The following PKD1L1 variants were observed in gnomAD, a reference collection of about 807,000 sequenced individuals.
PKD1L1 encodes the protein polycystin 1 like 1, transient receptor potential channel interacting, also known as polycystin-1-like protein 1.
Under a neutral mutation model 323.4 loss-of-function variants are expected in PKD1L1, and 236 were observed. That is an observed-to-expected ratio of 0.73 (90% CI 0.66 to 0.81). The LOEUF is 0.81. Among genes scored for constraint, PKD1L1 ranks in the 40% least tolerant of loss-of-function variants. PKD1L1 has a pLI of 0.00. For synonymous variants in PKD1L1, 1,344 were observed against 1,335.0 expected, an observed-to-expected ratio of 1.01 and a Z score of -0.15; for missense variants, 3,320 against 3,508.0, an observed-to-expected ratio of 0.95 and a Z score of 1.35.
chr7:47,950,937 C>T (rs1201499658), upstream of PKD1L1, among the ~76,000 whole-genome samples: 3 of 152,170 alleles, frequency 2.0e-5, no homozygotes, highest in East Asian at 5.8e-4. Flanking sequence ...CATTCTTGGG[C>T]CATACTCCTC....
At chr7:47,865,691 T>C (rs991186934) in intron 25 of PKD1L1, among the ~76,000 whole-genome samples, 20 of 151,834 alleles carry the variant, frequency 1.3e-4, no homozygotes, top group Admixed American at 1.2e-3. Context: ...GTTCATGCCA[T>C]TCTACTGCCT....
chr7:47,807,324 A>G (rs2128728084), intron 52 of PKD1L1, among the ~76,000 whole-genome samples: 1 of 152,170 alleles, frequency 6.6e-6, no homozygotes, highest in South Asian at 2.1e-4. Context: ...AGTGTAGAGG[A>G]AACGAGCCTC....
intron 26 of PKD1L1, 85 bp downstream of exon 26, chr7:47,865,131 T>C: frequency 3.2e-6 from 3 of 948,552 alleles, no homozygotes; most frequent in East Asian, 5.1e-5. Context: ...ACTATGATTC[T>C]GGACAGTGTA....
chr7:47,815,009 C>T (rs529288666), intron 47 of PKD1L1, among the ~76,000 whole-genome samples: 62 of 152,266 alleles, frequency 4.1e-4, no homozygotes, highest in Non-Finnish European at 7.4e-4. Flanking sequence ...GAACTAGAAT[C>T]TTCCATTTCC....
chr7:47,782,279 A>T (rs992964422), intron 56 of PKD1L1, among the ~76,000 whole-genome samples: 1 of 152,204 alleles, frequency 6.6e-6, no homozygotes, highest in East Asian at 1.9e-4. Context: ...CTAAACTTTA[A>T]TAATTACATT....
chr7:47,838,360 G>A (rs1381621434), intron 36 of PKD1L1, among the ~76,000 whole-genome samples: 1 of 152,174 alleles, frequency 6.6e-6, no homozygotes, highest in African/African-American at 2.4e-5. Flanking sequence ...TGAGTTCACT[G>A]GGCTTTTACC....
Position 47,864,655 on chromosome 7 carries a change from C to T in PKD1L1, c.4149+561G>A, listed in dbSNP as rs71552463. 1.4e-4 allele frequency among the ~76,000 whole-genome samples: 17 copies of T among 121,714 alleles called. No individual in the cohort carries two copies. In the East Asian group the frequency reaches 3.1e-3, roughly 22 times the overall value. 79.8% of individuals were successfully genotyped at this position (121,714 alleles called of 152,430 possible). ...TTCTTTCCTTCCTTCCTTCCTTCCT[C>T]CCTCTCTCCTTCCCTTCCCTTCCCC... On this transcript the variant is annotated intron_variant, in intron 26 of 56. Transcript: ENST00000289672.
At chr7:47,960,394 A>AAC in the PKD1L1 span, among the ~76,000 whole-genome samples, 1 of 112,280 alleles carries the variant, frequency 8.9e-6, no homozygotes, top group Non-Finnish European at 2.0e-5. Context: ...AAAAAAAAAA[A>AAC]CTGTAAAAAA....
intron 46 of PKD1L1, 44 bp from the exon 47 acceptor site, chr7:47,815,501 A>G (rs2128730762): frequency 3.8e-6 from 6 of 1,595,942 alleles, no homozygotes; most frequent in Non-Finnish European, 5.1e-6. Context: ...TGCATCAACA[A>G]GAACAATGAA....
At chr7:47,901,341 A>AG (rs1183838610) in intron 13 of PKD1L1, among the ~76,000 whole-genome samples, 3 of 151,266 alleles carry the variant, frequency 2.0e-5, no homozygotes, top group African/African-American at 7.3e-5. Context: ...AAAAAAAAAA[A>AG]AAAAAAAGAA....
Position 47,846,928 on chromosome 7 carries a change from C to T in PKD1L1, c.5104G>A (p.Glu1702Lys), listed in dbSNP as rs1471529190. 6.2e-7 allele frequency: 1 copy of T among 1,613,652 alleles called. No homozygotes were observed. The highest frequency in any genetic ancestry group is 8.5e-7 in the Non-Finnish European group (1 of 1,179,844). Residue 1702 changes from glutamate to lysine, a missense_variant, in exon 32 of 57, where the codon GAA becomes AAA. Coordinates refer to ENST00000289672, the MANE Select transcript of PKD1L1 (RefSeq NM_138295.5). ...LFWDKREWKS[E>K]RFSPQPGTSP... Reference sequence around the variant, plus strand: ...GTCCCTGGTTGTGGAGAGAAACGTTCAGATTTCCACTCTCTCTTGTCCCAA... The same window carrying T: ...GTCCCTGGTTGTGGAGAGAAACGTTTAGATTTCCACTCTCTCTTGTCCCAA...
chr7:47,847,045 A>G lies in PKD1L1; in HGVS notation c.4987T>C (p.Leu1663=), dbSNP rs200984696. 6.9e-6 allele frequency: 11 copies of G among 1,603,408 alleles called. No individual in the cohort carries two copies. The highest frequency in any genetic ancestry group is 4.5e-5 in the South Asian group (4 of 88,100). The change falls in exon 32 of 57, where the codon TTG becomes CTG. Residue 1663 remains leucine, a synonymous_variant. Coordinates refer to ENST00000289672, the MANE Select transcript of PKD1L1 (RefSeq NM_138295.5). ...KDASVGYLSL[L]DADYDRKPPN... is the part of the protein sequence containing the mutation. Reference sequence around the variant, plus strand: ...GGTTTTCTGTCATAGTCAGCATCCAATAAGGATAAATAGCCTACACTGGCA... The same window carrying G: ...GGTTTTCTGTCATAGTCAGCATCCAGTAAGGATAAATAGCCTACACTGGCA...
At chr7:47,957,082 A>T in the PKD1L1 span, 2 of 154,486 alleles carry the variant, frequency 1.3e-5, no homozygotes, top group African/African-American at 2.4e-5. Flanking sequence ...GCTTTTGTGC[A>T]TATATCTTCT....
At position 47,940,281 on chromosome 7, in the gene PKD1L1, C is replaced by A; in HGVS notation, c.197G>T (p.Gly66Val). The change falls in exon 3 of 57, where the codon GGG becomes GTG. Residue 66 changes from glycine to valine, a missense_variant. Coordinates refer to ENST00000289672, the MANE Select transcript of PKD1L1 (RefSeq NM_138295.5). ...YANHVLLMSD[G>V]KCGCPWCALN... is the part of the protein sequence containing the mutation. ...AGCACACCAAGGACAGCCACACTTC[C>A]CATCACTCATAAGAAGCACATGATT... is the stretch of plus-strand genomic sequence containing the variant. 1 of 1,614,062 alleles carries A rather than the reference C, an allele frequency of 6.2e-7. No individual in the cohort carries two copies. The highest frequency in any genetic ancestry group is 8.5e-7 in the Non-Finnish European group (1 of 1,179,960).
At chr7:47,861,900 A>AAC (rs1786037562) in intron 26 of PKD1L1, among the ~76,000 whole-genome samples, 1 of 147,698 alleles carries the variant, frequency 6.8e-6, no homozygotes, top group East Asian at 2.0e-4. Context: ...AAAAAAAAAA[A>AAC]AAAAAACAAT....
chr7:47,846,506 G>T (rs1415325590), intron 32 of PKD1L1, among the ~76,000 whole-genome samples: 1 of 152,216 alleles, frequency 6.6e-6, no homozygotes. Flanking sequence ...ACTACAAACT[G>T]CGTACTCAAA....
At chr7:47,923,543 T>TA (rs1402895944) in intron 7 of PKD1L1, among the ~76,000 whole-genome samples, 6 of 151,434 alleles carry the variant, frequency 4.0e-5, no homozygotes, top group African/African-American at 1.5e-4. Context: ...GAAATAAATT[T>TA]TAAAAAAAAC....
At chr7:47,873,007 T>G (rs1391460385) in intron 24 of PKD1L1, among the ~76,000 whole-genome samples, 1 of 152,188 alleles carries the variant, frequency 6.6e-6, no homozygotes, top group African/African-American at 2.4e-5. Flanking sequence ...ACTAATATAT[T>G]TTGCTACATA....
chr7:47,861,857 G>A (rs1401507702), intron 26 of PKD1L1, among the ~76,000 whole-genome samples: 1 of 137,348 alleles, frequency 7.3e-6, no homozygotes, highest in African/African-American at 2.7e-5. Flanking sequence ...CTCCAGCCTG[G>A]GCGACAGAGC....
Sources: gnomAD v4.1 joint callset for allele counts (sites outside exome capture counted in the v4.1 genomes callset) on GRCh38, gnomAD v4.1.1 for gene constraint, MANE v1.5 for transcripts, NCBI Gene and HGNC (gene_info 2026-07-23, HGNC 2026-07-21) for gene names.